ZNF804B: variants seen among roughly 807,000 people sequenced by gnomAD.
ZNF804B encodes zinc finger protein 804B.
A neutral mutation model predicts 101.4 loss-of-function variants in ZNF804B; 80 were observed. The observed-to-expected ratio is 0.79, with a 90% CI of 0.66 to 0.95. The LOEUF (loss-of-function observed/expected upper bound fraction) is 0.95. Among genes scored for constraint, ZNF804B ranks in the 40% least tolerant of loss-of-function variants. The probability of loss-of-function intolerance (pLI) is 0.00; values close to 1 mark genes in which losing one functional copy is unlikely to be tolerated. For synonymous variants in ZNF804B, 622 were observed against 558.8 expected (o/e 1.11, Z -1.59); for missense variants, 1,673 against 1,561.9 (o/e 1.07, Z -1.20).
intron 1 of ZNF804B, among the ~76,000 whole-genome samples, chr7:88,950,738 G>A (rs906646836): frequency 2.0e-5 from 3 of 151,670 alleles, no homozygotes; most frequent in Admixed American, 1.3e-4. Context: ...TTTGGTATAA[G>A]GATCAAATTA....
chr7:89,220,024 T>TATATATGCACACATATATGTGTATATAC (rs1788968954), intron 2 of ZNF804B, among the ~76,000 whole-genome samples: 2 of 113,504 alleles, frequency 1.8e-5, no homozygotes, highest in Non-Finnish European at 3.6e-5. Flanking sequence ...TGTGTATACA[T>TATATATGCACACATATATGTGTATATAC]ATATATACGC....
chr7:88,796,653 C>T (rs1421815184), intron 1 of ZNF804B, among the ~76,000 whole-genome samples: 1 of 152,136 alleles, frequency 6.6e-6, no homozygotes, highest in African/African-American at 2.4e-5. Flanking sequence ...GCAATACCTT[C>T]TCACATCCAA....
chr7:89,167,299 C>T (rs887376153), intron 1 of ZNF804B, among the ~76,000 whole-genome samples: 37 of 151,252 alleles, frequency 2.4e-4, no homozygotes, highest in African/African-American at 8.8e-4. Flanking sequence ...AAAAATTAGC[C>T]GGGCGTGGTG....
intron 1 of ZNF804B, among the ~76,000 whole-genome samples, chr7:89,119,854 A>G (rs1562889500): frequency 6.6e-6 from 1 of 152,240 alleles, no homozygotes; most frequent in Non-Finnish European, 1.5e-5. Context: ...ACGTGTTTTA[A>G]ATGAGTTTCT....
chr7:88,980,156 G>T (rs1284398663), intron 1 of ZNF804B, among the ~76,000 whole-genome samples: 1 of 151,648 alleles, frequency 6.6e-6, no homozygotes, highest in Non-Finnish European at 1.5e-5. Flanking sequence ...ATTCTTTTAG[G>T]TTATTTTAAT....
intron 1 of ZNF804B, among the ~76,000 whole-genome samples, chr7:89,057,570 G>A (rs1789317156): frequency 6.6e-6 from 1 of 152,076 alleles, no homozygotes; most frequent in Non-Finnish European, 1.5e-5. Flanking sequence ...TGGGCACAGA[G>A]AAGTGTTAGT....
At chr7:88,875,111 T>A (rs6465171) in intron 1 of ZNF804B, among the ~76,000 whole-genome samples, 1 of 129,012 alleles carries the variant, frequency 7.8e-6, no homozygotes, top group Non-Finnish European at 1.6e-5. Context: ...TTGAAACCAA[T>A]GAGAACAAAG....
chr7:88,812,701 C>T (rs909750557), intron 1 of ZNF804B, among the ~76,000 whole-genome samples: 2 of 152,012 alleles, frequency 1.3e-5, no homozygotes, highest in African/African-American at 4.8e-5. Flanking sequence ...TATACATATA[C>T]ACAATATTAT....
chr7:89,303,224 T>C lies in ZNF804B; in HGVS notation c.250-24120T>C, dbSNP rs148109999. Among the ~76,000 whole-genome samples the C allele has an allele frequency of 2.3e-3, 351 of 152,066 alleles. 2 individuals carry two copies. The highest frequency in any genetic ancestry group is 8.2e-3 in the African/African-American group (340 of 41,532). On this transcript the variant is annotated intron_variant, in intron 2 of 3. Transcript: ENST00000333190. ...ACCAAGGAGAAGGCAGATATTTGTA[T>C]ATTGCTGGCATGAAGACATTCTAAA...
intron 2 of ZNF804B, among the ~76,000 whole-genome samples, chr7:89,326,198 C>T (rs1340497648): frequency 1.3e-5 from 2 of 151,964 alleles, no homozygotes; most frequent in Non-Finnish European, 2.9e-5. Flanking sequence ...CCACTGTTCT[C>T]CCTGTAGCTG....
intron 1 of ZNF804B, among the ~76,000 whole-genome samples, chr7:89,013,867 C>A (rs570423461): frequency 2.2e-4 from 33 of 152,298 alleles, no homozygotes; most frequent in Non-Finnish European, 3.8e-4. Context: ...AGAACATACA[C>A]CGTTTAACTT....
chr7:89,176,591 C>CTTTTTTTTTTTTTTTTTTCTTTTTTTT (rs35866405), intron 1 of ZNF804B, among the ~76,000 whole-genome samples: 1 of 71,942 alleles, frequency 1.4e-5, no homozygotes, highest in East Asian at 3.6e-4. Flanking sequence ...TTCTTTCTTT[C>CTTTTTTTTTTTTTTTTTTCTTTTTTTT]TTTTTTTTTT....
chr7:89,184,884 A>T (rs768014394), intron 1 of ZNF804B, among the ~76,000 whole-genome samples: 39 of 152,128 alleles, frequency 2.6e-4, no homozygotes, highest in Admixed American at 3.9e-4. Context: ...ACTAGACAGA[A>T]TATTTGACTG....
At chr7:89,232,956 C>T (rs1789218945) in intron 2 of ZNF804B, among the ~76,000 whole-genome samples, 1 of 152,118 alleles carries the variant, frequency 6.6e-6, no homozygotes, top group Admixed American at 6.5e-5. Flanking sequence ...GAGTCTCGCT[C>T]TGTCGCCCAG....
intron 1 of ZNF804B, among the ~76,000 whole-genome samples, chr7:88,776,253 A>G (rs1399538016): frequency 6.6e-6 from 1 of 152,066 alleles, no homozygotes; most frequent in Non-Finnish European, 1.5e-5. Flanking sequence ...GGTTTTCATG[A>G]CTCCTTAAAA....
chr7:88,945,472 A>G (rs1397109974), intron 1 of ZNF804B, among the ~76,000 whole-genome samples: 1 of 152,124 alleles, frequency 6.6e-6, no homozygotes, highest in Non-Finnish European at 1.5e-5. Flanking sequence ...TACCAGTACC[A>G]TGCTGTTTTG....
At chr7:89,046,595 T>C (rs1024402609) in intron 1 of ZNF804B, among the ~76,000 whole-genome samples, 1 of 152,162 alleles carries the variant, frequency 6.6e-6, no homozygotes, top group African/African-American at 2.4e-5. Context: ...TATACCTCCT[T>C]AAAACATTCA....
chr7:88,840,024 G>A (rs943202455), intron 1 of ZNF804B, among the ~76,000 whole-genome samples: 2 of 152,110 alleles, frequency 1.3e-5, no homozygotes, highest in African/African-American at 4.8e-5. Context: ...TGGTTCTTGT[G>A]TTAGCCCCTT....
intron 2 of ZNF804B, among the ~76,000 whole-genome samples, chr7:89,268,831 T>C (rs1331293234): frequency 6.6e-6 from 1 of 152,046 alleles, no homozygotes; most frequent in East Asian, 1.9e-4. Context: ...CTCATACATA[T>C]AAACACTTAG....
Sources: allele counts gnomAD v4.1 joint callset (sites outside exome capture counted in the v4.1 genomes callset), GRCh38; gene constraint gnomAD v4.1.1; transcripts MANE v1.5; gene names NCBI Gene and HGNC (gene_info 2026-07-23, HGNC 2026-07-21).